SBF1: variants seen among roughly 807,000 people sequenced by gnomAD.
SBF1 encodes the protein SET binding factor 1.
Under a neutral mutation model 215.8 loss-of-function variants are expected in SBF1, and 65 were observed. The observed-to-expected ratio is 0.30, with a 90% confidence interval of 0.25 to 0.37. The LOEUF (loss-of-function observed/expected upper bound fraction) is 0.37. Ranked by LOEUF, SBF1 falls within the 10% of genes least tolerant of loss-of-function variation. The pLI, the probability that SBF1 is intolerant of heterozygous loss-of-function variation, is 1.00. For missense variants in SBF1, 2,634 were observed against 2,667.8 expected (o/e 0.99, Z 0.28); for synonymous variants, 1,410 against 1,122.8 (o/e 1.26, Z -5.11).
rs780198678 is a variant in SBF1 at position 50,447,577 on chromosome 22, G to A, written c.5396C>T (p.Ala1799Val). 3.1e-6 allele frequency: 5 copies of A among 1,612,770 alleles called. No individual in the cohort carries two copies. The highest frequency in any genetic ancestry group is 2.2e-5 in the South Asian group (2 of 91,010). Residue 1799 changes from alanine to valine, a missense_variant, in exon 39 of 41, where the codon GCC becomes GTC. Coordinates refer to ENST00000380817, the MANE Select transcript of SBF1 (RefSeq NM_002972.4). ...SYEGTLYKKG[A>V]FMKPWKARWF... is the part of the protein sequence containing the mutation. ...GCGGGCCTTCCAAGGCTTCATGAAGGCCCCCTTCTTGTACAGAGTGCCCTC... is the reference window on the plus strand; with the variant it reads ...GCGGGCCTTCCAAGGCTTCATGAAGACCCCCTTCTTGTACAGAGTGCCCTC...
At chr22:50,455,172 C>A (rs1267622198) in intron 33 of SBF1, 30 bp from the exon 34 acceptor site, 1 of 1,613,932 alleles carries the variant, frequency 6.2e-7, no homozygotes, top group Non-Finnish European at 8.5e-7. Flanking sequence ...GGGGCCAGGG[C>A]TCAGCGGTCA....
intron 36 of SBF1, among the ~76,000 whole-genome samples, chr22:50,451,893 T>A (rs2067061830): frequency 6.6e-6 from 1 of 150,766 alleles, no homozygotes; most frequent in Non-Finnish European, 1.5e-5. Context: ...ACCTCCCGGG[T>A]TGAAGCGATT....
In SBF1 at chr22:50,455,510, G is replaced by A. The variant is rs1436948523; in HGVS notation, c.4339C>T (p.Leu1447=). 6.2e-7 allele frequency: 1 copy of A among 1,607,036 alleles called. No individual in the cohort carries two copies. Among genetic ancestry groups the A allele is most frequent in the Admixed American group, 1.7e-5 (1 of 58,834 alleles). The part of the protein sequence containing the change: ...LDSGSSVLVG[L]EDGWDITTQV... ...GTGGTGATGTCCCAGCCATCCTCCAGGCCCACCAGCACGGAGGAGCCTGAA... is the reference window on the plus strand; with the variant it reads ...GTGGTGATGTCCCAGCCATCCTCCAAGCCCACCAGCACGGAGGAGCCTGAA... Residue 1447 remains leucine, a synonymous_variant, in exon 32 of 41, where the codon CTG becomes TTG. Coordinates refer to ENST00000380817, the MANE Select transcript of SBF1 (RefSeq NM_002972.4).
chr22:50,455,580 G>T lies in SBF1; in HGVS notation c.4269C>A (p.Ile1423=). 6.4e-7 allele frequency: 1 copy of T among 1,571,106 alleles called. No homozygotes were observed. Among genetic ancestry groups the T allele is most frequent in the Admixed American group, 1.9e-5 (1 of 53,368 alleles). Residue 1423 remains isoleucine, a splice_region_variant and synonymous_variant, in exon 32 of 41, where the codon ATC becomes ATA. Coordinates refer to ENST00000380817, the MANE Select transcript of SBF1 (RefSeq NM_002972.4). ...SLEDSEWLIQ[I]HKLLQVSVLV... ...GCACAGACACCTGCAGCAGCTTGTG[G>T]ATCTGCAGGGACAGGCGGCCTCAGC... is the stretch of plus-strand genomic sequence containing the variant.
intron 5 of SBF1, chr22:50,467,125 G>A (rs1277837953): frequency 2.5e-5 from 15 of 598,668 alleles, no homozygotes; most frequent in South Asian, 4.0e-5. Flanking sequence ...TCAAAGGAGT[G>A]GACAGAGAGG....
At position 50,459,566 on chromosome 22, in the gene SBF1, G is replaced by A. The variant is rs371049751; in HGVS notation, c.3592C>T (p.Arg1198Cys). Reference protein sequence around the residue: ...RQNRFPVVCWRSGRSKAVLLR... With the variant: ...RQNRFPVVCWCSGRSKAVLLR... The stretch of plus-strand genomic sequence containing the variant: ...AGCACCGCCTTGGACCGCCCGCTGC[G>A]CCAGCAGACCACGGGGAAGCGGTTC... Residue 1198 changes from arginine to cysteine, a missense_variant, in exon 27 of 41, where the codon CGC (arginine) becomes TGC (cysteine). Arg to Cys is a radical substitution (Grantham distance 180). Transcript: ENST00000380817. 3.7e-5 allele frequency: 59 copies of A among 1,609,116 alleles called. No homozygotes were observed. The highest frequency in any genetic ancestry group is 1.7e-4 in the Middle Eastern group (1 of 5,812).
intron 5 of SBF1, 94 bp downstream of exon 5, chr22:50,467,244 G>T (rs1248532009): frequency 1.2e-5 from 12 of 1,031,878 alleles, no homozygotes; most frequent in Admixed American, 2.0e-5. Flanking sequence ...AAGGCCTCCA[G>T]CTGTGTGTGG....
At chr22:50,452,857 C>T (rs1158367876) in intron 36 of SBF1, among the ~76,000 whole-genome samples, 1 of 149,976 alleles carries the variant, frequency 6.7e-6, no homozygotes, top group African/African-American at 2.5e-5. Context: ...CTGGTGTCAA[C>T]AGGGTGATGT....
chr22:50,455,661 T>C, intron 31 of SBF1, 79 bp from the exon 32 acceptor site: 1 of 1,207,508 alleles, frequency 8.3e-7, no homozygotes, highest in Non-Finnish European at 1.2e-6. Context: ...GAGACCCGCA[T>C]GTCCACAGGC....
Position 50,455,574 on chromosome 22 carries a change from C to G in SBF1, c.4275G>C (p.Lys1425Asn). The change falls in exon 32 of 41, where the codon AAG becomes AAC. Residue 1425 changes from lysine to asparagine, a missense_variant. Transcript: ENST00000380817. ...EDSEWLIQIHKLLQVSVLVVE... is the reference protein window; with the variant it reads ...EDSEWLIQIHNLLQVSVLVVE... ...CCACCAGCACAGACACCTGCAGCAG[C>G]TTGTGGATCTGCAGGGACAGGCGGC... 6.3e-7 allele frequency: 1 copy of G among 1,576,792 alleles called. No homozygotes were observed. Among genetic ancestry groups the G allele is most frequent in the Non-Finnish European group, 8.6e-7 (1 of 1,161,178 alleles).
chr22:50,453,694 G>A (rs190152311), intron 36 of SBF1, among the ~76,000 whole-genome samples: 98 of 152,298 alleles, frequency 6.4e-4, no homozygotes, highest in Non-Finnish European at 7.8e-4. Flanking sequence ...GGCTGAGGCA[G>A]GAGAATGGTG....
At chr22:50,453,389 T>A (rs747767091) in intron 36 of SBF1, among the ~76,000 whole-genome samples, 1 of 152,304 alleles carries the variant, frequency 6.6e-6, no homozygotes, top group South Asian at 2.1e-4. Flanking sequence ...CTGTGCCCCA[T>A]GCTAAGTCAC....
intron 10 of SBF1, among the ~76,000 whole-genome samples, 199 bp from the exon 11 acceptor site, chr22:50,465,527 G>T (rs955031946): frequency 5.9e-5 from 9 of 152,224 alleles, no homozygotes; most frequent in African/African-American, 1.9e-4. Context: ...ACCCTCAAGG[G>T]CTCCTGTGAT....
rs1445512928 is a variant in SBF1, at chr22:50,466,445, G to A, written c.693C>T (p.Leu231=). 6.4e-7 allele frequency: 1 copy of A among 1,552,328 alleles called. No individual in the cohort carries two copies. The highest frequency in any genetic ancestry group is 2.4e-5 in the East Asian group (1 of 41,014). Residue 231 remains leucine, a synonymous_variant, in exon 7 of 41, where the codon CTC becomes CTT. Transcript: ENST00000380817. The part of the protein sequence containing the change: ...TNVLSLFCAA[L]TEHKVLFLSR... The stretch of plus-strand genomic sequence containing the variant: ...ACAGGAAGAGAACCTTGTGCTCCGT[G>A]AGGGCGGCACAGAACAAAGACAGCA...
chr22:50,453,681 A>G (rs894453786), intron 36 of SBF1, among the ~76,000 whole-genome samples: 1 of 152,024 alleles, frequency 6.6e-6, no homozygotes, highest in Admixed American at 6.6e-5. Context: ...CAGCTACTCG[A>G]GAGGCTGAGG....
At chr22:50,469,473 C>G (rs1278615728) in intron 1 of SBF1, among the ~76,000 whole-genome samples, 3 of 152,224 alleles carry the variant, frequency 2.0e-5, no homozygotes, top group Non-Finnish European at 4.4e-5. Flanking sequence ...GAGAGCCAAA[C>G]CAGGAAGCCC....
Position 50,447,031 on chromosome 22 carries a change from G to T in SBF1, c.*111C>A. ...TGTACACACAAGTGCTGGGGGCTCGGGGCCTCAATACTGTCGAGGGCCGGG... is the reference window on the plus strand; with the variant it reads ...TGTACACACAAGTGCTGGGGGCTCGTGGCCTCAATACTGTCGAGGGCCGGG... On this transcript the variant is annotated 3_prime_UTR_variant, in exon 41 of 41. Transcript: ENST00000380817. 1 of 950,334 alleles carries T rather than the reference G, an allele frequency of 1.1e-6. No homozygotes were observed. The highest frequency in any genetic ancestry group is 1.6e-6 in the Non-Finnish European group (1 of 614,768). The allele number at this position is 950,334 out of a possible 1,614,324, so 58.9% of individuals were successfully genotyped here.
At position 50,463,956 on chromosome 22, in the gene SBF1, G is replaced by A. The variant is rs577752499; in HGVS notation, c.1749+373C>T. Among the ~76,000 whole-genome samples, 17 of 152,260 alleles carry A rather than the reference G, an allele frequency of 1.1e-4. No individual in the cohort carries two copies. In the East Asian group the frequency reaches 3.1e-3, roughly 28 times the overall value. On this transcript the variant is annotated intron_variant, in intron 15 of 40. Coordinates refer to ENST00000380817, the MANE Select transcript of SBF1 (RefSeq NM_002972.4). ...GGAGCAAAAAGCTCTGTTTCCATAAGATGCAAGGAACAGGTCACGTATGGA... is the reference window on the plus strand; with the variant it reads ...GGAGCAAAAAGCTCTGTTTCCATAAAATGCAAGGAACAGGTCACGTATGGA...
At chr22:50,462,789 C>T (rs1186522786) in intron 17 of SBF1, 72 bp from the exon 18 acceptor site, 4 of 1,608,790 alleles carry the variant, frequency 2.5e-6, no homozygotes, top group Non-Finnish European at 3.4e-6. Flanking sequence ...CCTCGGCCAC[C>T]AGGAAGGGGG....
Sources: allele counts gnomAD v4.1 joint callset (sites outside exome capture counted in the v4.1 genomes callset), GRCh38; gene constraint gnomAD v4.1.1; transcripts MANE v1.5; gene names NCBI Gene and HGNC (gene_info 2026-07-23, HGNC 2026-07-21).